Variants in INTS14 observed in about 807,000 individuals in gnomAD.
The protein encoded by INTS14 is integrator complex subunit 14.
INTS14 carries 27 observed loss-of-function variants against 56.9 expected under a neutral mutation model. The ratio of observed to expected loss-of-function variants is 0.47; its 90% CI spans 0.35 to 0.65. INTS14 has a LOEUF of 0.65. Among genes scored for constraint, INTS14 ranks in the 30% least tolerant of loss-of-function variants. INTS14 has a pLI of 0.00. For synonymous variants in INTS14, 207 were observed against 236.2 expected (o/e 0.88, Z 1.13); for missense variants, 517 against 632.2 (o/e 0.82, Z 1.95).
chr15:65,595,725 G>C lies in INTS14; in HGVS notation c.841+8C>G. ...CGCTTCAGACGTATCAGTGGAATAGGAACTCACCTTTGTTAAGTGCTATAG... is the reference window on the plus strand; with the variant it reads ...CGCTTCAGACGTATCAGTGGAATAGCAACTCACCTTTGTTAAGTGCTATAG... On this transcript the variant is annotated splice_region_variant and intron_variant, in intron 7 of 11. Coordinates refer to ENST00000313182, the MANE Select transcript of INTS14 (RefSeq NM_001394796.1). 1 of 1,595,542 alleles carries C rather than the reference G, an allele frequency of 6.3e-7. No homozygotes were observed.
intron 8 of INTS14, among the ~76,000 whole-genome samples, chr15:65,592,743 T>C (rs566195540): frequency 4.6e-4 from 70 of 152,174 alleles, no homozygotes; most frequent in African/African-American, 1.5e-3. Flanking sequence ...ATTAGCATCT[T>C]TTTTTTTGTT....
At chr15:65,580,462 AAGCT>A (rs1432568840) in intron 11 of INTS14, among the ~76,000 whole-genome samples, 1 of 151,994 alleles carries the variant, frequency 6.6e-6, no homozygotes, top group African/African-American at 2.4e-5. Context: ...TGACTGTAGG[AAGCT>A]CTGCAGGGAG....
Position 65,607,230 on chromosome 15 carries a change from T to C in INTS14, c.151A>G (p.Thr51Ala). The change falls in exon 2 of 12, where the codon ACA becomes GCA. Residue 51 changes from threonine (T) to alanine (A), a missense_variant. Thr to Ala is a moderately conservative substitution (Grantham distance 58). Coordinates refer to ENST00000313182, the MANE Select transcript of INTS14 (RefSeq NM_001394796.1). ...HMATNYKLEF[T>A]ALVVFSSLWE... ...AGTGATGAAAAAACCACAAGTGCTG[T>C]AAATTCAAGCTTGTAATTTGTGGCC... 1 of 1,614,248 alleles carries C rather than the reference T, an allele frequency of 6.2e-7. No individual in the cohort carries two copies.
At chr15:65,587,430 G>GA (rs1440472730) in intron 9 of INTS14, among the ~76,000 whole-genome samples, 4 of 142,806 alleles carry the variant, frequency 2.8e-5, no homozygotes, top group Non-Finnish European at 6.1e-5. Context: ...AACAAGCAAA[G>GA]AAAAAAAATA....
In INTS14 at chr15:65,607,161, G is replaced by T. The variant is rs760167017; in HGVS notation, c.220C>A (p.Gln74Lys). Residue 74 changes from glutamine to lysine, a missense_variant and splice_region_variant, in exon 2 of 12, where the codon CAG becomes AAG. Gln to Lys is a moderately conservative substitution (Grantham distance 53). Coordinates refer to ENST00000313182, the MANE Select transcript of INTS14 (RefSeq NM_001394796.1). ...CAATAACTTACTACATTTTGTACCT[G>T]TAGGGTATTATAATCTCTCGTGAAG... Reference protein sequence around the residue: ...VPFTRDYNTLQEALSNMDDYD... With the variant: ...VPFTRDYNTLKEALSNMDDYD... 6.2e-7 allele frequency: 1 copy of T among 1,613,982 alleles called. No individual in the cohort carries two copies. The highest frequency in any genetic ancestry group is 8.5e-7 in the Non-Finnish European group (1 of 1,179,902).
chr15:65,602,286 CTTT>C (rs199817472), intron 3 of INTS14, among the ~76,000 whole-genome samples: 11 of 141,680 alleles, frequency 7.8e-5, no homozygotes, highest in Admixed American at 2.1e-4. Context: ...AAAAATTCCA[CTTT>C]TTTTTTTTTT....
Position 65,587,718 on chromosome 15 carries a change from C to T in INTS14, c.1121-2830G>A, listed in dbSNP as rs547052202. Among the ~76,000 whole-genome samples, 79 of 152,210 alleles carry T rather than the reference C, an allele frequency of 5.2e-4. 2 individuals carry two copies. Among genetic ancestry groups the T allele is most frequent in the African/African-American group, 1.3e-3 (52 of 41,526 alleles). On this transcript the variant is annotated intron_variant, in intron 9 of 11. Transcript: ENST00000313182. ...GAAAAGGGCTGAGTGTGGTGGCTCA[C>T]GCCTGTAATCCCAACAATTTGGGAG...
intron 2 of INTS14, among the ~76,000 whole-genome samples, chr15:65,606,600 G>C (rs943650001): frequency 4.6e-5 from 7 of 151,942 alleles, no homozygotes; most frequent in Admixed American, 2.0e-4. Context: ...CACTGTGTTA[G>C]GCACTGCTGG....
chr15:65,600,705 G>C (rs1025822031), intron 3 of INTS14, among the ~76,000 whole-genome samples: 2 of 151,624 alleles, frequency 1.3e-5, no homozygotes, highest in Admixed American at 6.6e-5. Context: ...TGAGGTGCTA[G>C]AACCCCACTC....
intron 11 of INTS14, among the ~76,000 whole-genome samples, chr15:65,580,899 T>C (rs1160368271): frequency 6.6e-6 from 1 of 152,216 alleles, no homozygotes; most frequent in Non-Finnish European, 1.5e-5. Context: ...CTATCTCCTC[T>C]GCAATTCATA....
chr15:65,580,110 G>A (rs1209175564), intron 11 of INTS14, among the ~76,000 whole-genome samples: 2 of 152,188 alleles, frequency 1.3e-5, no homozygotes, highest in Non-Finnish European at 2.9e-5. Flanking sequence ...GGCCCTGGAG[G>A]AGTCAGAGTG....
At chr15:65,607,901 CTT>C (rs1448888162) in intron 1 of INTS14, among the ~76,000 whole-genome samples, 12 of 152,258 alleles carry the variant, frequency 7.9e-5, no homozygotes, top group East Asian at 7.7e-4. Flanking sequence ...GGTTGGTGCT[CTT>C]GTTTTAGTAA....
chr15:65,598,195 C>T (rs2073282498), intron 6 of INTS14, 126 bp downstream of exon 6: 1 of 965,136 alleles, frequency 1.0e-6, no homozygotes, highest in Non-Finnish European at 1.5e-6. Flanking sequence ...GTAAGGAATA[C>T]TCAACCTGTA....
chr15:65,605,825 G>GAAATCCTT (rs1416372720), intron 2 of INTS14, among the ~76,000 whole-genome samples: 2 of 152,166 alleles, frequency 1.3e-5, no homozygotes, highest in Admixed American at 1.3e-4. Context: ...CAGAACATCA[G>GAAATCCTT]AAATCCTTAG....
intron 11 of INTS14, among the ~76,000 whole-genome samples, chr15:65,579,992 T>C (rs975669601): frequency 6.6e-6 from 1 of 152,152 alleles, no homozygotes; most frequent in African/African-American, 2.4e-5. Context: ...ACTTTTCCCC[T>C]GTTATTTAGG....
chr15:65,607,496 A>C, intron 1 of INTS14, 54 bp from the exon 2 acceptor site: 1 of 1,503,208 alleles, frequency 6.7e-7, no homozygotes, highest in South Asian at 1.3e-5. Context: ...AATATTTTTC[A>C]CCATAACTTT....
intron 4 of INTS14, 76 bp downstream of exon 4, chr15:65,599,698 T>C (rs748612982): frequency 6.8e-6 from 10 of 1,478,128 alleles, no homozygotes; most frequent in African/African-American, 1.4e-5. Flanking sequence ...AATATAGCAC[T>C]AGTGGTATAT....
intron 3 of INTS14, among the ~76,000 whole-genome samples, chr15:65,600,512 C>T (rs945861215): frequency 6.6e-6 from 1 of 151,522 alleles, no homozygotes; most frequent in Non-Finnish European, 1.5e-5. Flanking sequence ...GCCTGCAGGC[C>T]CAGCTACTTG....
chr15:65,590,010 G>GTAC (rs1053129136), intron 9 of INTS14, among the ~76,000 whole-genome samples: 63 of 152,176 alleles, frequency 4.1e-4, no homozygotes, highest in African/African-American at 1.4e-3. Context: ...TCAACTAATA[G>GTAC]TACTATCTTT....
Sources: gnomAD v4.1 joint callset for allele counts (sites outside exome capture counted in the v4.1 genomes callset) on GRCh38, gnomAD v4.1.1 for gene constraint, MANE v1.5 for transcripts, NCBI Gene and HGNC (gene_info 2026-07-23, HGNC 2026-07-21) for gene names.